The following FLNB variants were observed in gnomAD, a reference collection of about 807,000 sequenced individuals.
FLNB encodes filamin B, also known as filamin-B.
FLNB carries 111 observed loss-of-function variants against 250.6 expected under a neutral mutation model. That is an observed-to-expected ratio of 0.44 (90% CI 0.38 to 0.52). The LOEUF is 0.52. Ranked by LOEUF, FLNB falls within the 20% of genes least tolerant of loss-of-function variation. FLNB has a pLI of 0.00. For synonymous variants in FLNB, 1,302 were observed against 1,372.1 expected (o/e 0.95, Z 1.13); for missense variants, 2,869 against 3,447.8 (o/e 0.83, Z 4.20).
chr3:58,027,855 A>G (rs942179230), intron 1 of FLNB, among the ~76,000 whole-genome samples: 3 of 152,264 alleles, frequency 2.0e-5, no homozygotes, highest in Non-Finnish European at 2.9e-5. Flanking sequence ...ACGGAAAAAC[A>G]GCGTCACTAG....
At chr3:58,149,762 G>A (rs1453317720) in intron 36 of FLNB, 88 bp from the exon 37 acceptor site, 13 of 1,530,848 alleles carry the variant, frequency 8.5e-6, no homozygotes, top group African/African-American at 1.4e-5. Context: ...AGATTGAGGC[G>A]TAAGGGTCGG....
At chr3:58,034,187 G>A (rs1233452909) in intron 1 of FLNB, among the ~76,000 whole-genome samples, 1 of 152,140 alleles carries the variant, frequency 6.6e-6, no homozygotes, top group African/African-American at 2.4e-5. Flanking sequence ...AAGCTATCAT[G>A]AACATCTTTT....
intron 18 of FLNB, among the ~76,000 whole-genome samples, chr3:58,118,333 C>T (rs957948625): frequency 6.6e-6 from 1 of 152,160 alleles, no homozygotes; most frequent in Admixed American, 6.5e-5. Context: ...AAACTGATTC[C>T]TAGGACAGAA....
At chr3:58,113,083 GTA>G (rs1419405317) in intron 18 of FLNB, among the ~76,000 whole-genome samples, 3 of 152,180 alleles carry the variant, frequency 2.0e-5, no homozygotes, top group Non-Finnish European at 4.4e-5. Context: ...ATTTTTAAGT[GTA>G]TAGTTCATTA....
At chr3:58,126,806 G>C (rs1432017549) in intron 24 of FLNB, 44 bp downstream of exon 24, 2 of 1,583,388 alleles carry the variant, frequency 1.3e-6, no homozygotes, top group Admixed American at 3.4e-5. Flanking sequence ...AATTGATTTT[G>C]CAGGAAAATG....
chr3:58,116,428 G>T (rs778185113), intron 18 of FLNB, among the ~76,000 whole-genome samples: 1 of 152,182 alleles, frequency 6.6e-6, no homozygotes, highest in Non-Finnish European at 1.5e-5. Flanking sequence ...GCTGTGCCAC[G>T]TGGGGAGCCG....
intron 4 of FLNB, among the ~76,000 whole-genome samples, chr3:58,087,940 A>C (rs2097219890): frequency 6.7e-6 from 1 of 149,536 alleles, no homozygotes; most frequent in South Asian, 2.1e-4. Flanking sequence ...AGGTTACACC[A>C]TGTTGGTCAG....
At chr3:58,072,708 T>C (rs544995815) in intron 1 of FLNB, among the ~76,000 whole-genome samples, 1 of 152,268 alleles carries the variant, frequency 6.6e-6, no homozygotes, top group East Asian at 1.9e-4. Flanking sequence ...GTCCTTATAA[T>C]AGCAGAAGGA....
intron 10 of FLNB, among the ~76,000 whole-genome samples, chr3:58,104,522 T>C (rs1006069769): frequency 1.2e-4 from 18 of 152,224 alleles, no homozygotes; most frequent in African/African-American, 4.3e-4. Context: ...CTTGTGGGCA[T>C]TGCACTTGCC....
intron 1 of FLNB, among the ~76,000 whole-genome samples, chr3:58,034,069 C>T (rs190040876): frequency 6.6e-6 from 1 of 152,264 alleles, no homozygotes; most frequent in African/African-American, 2.4e-5. Context: ...CCATGTTGGT[C>T]ATGCTGGTCT....
Position 58,077,259 on chromosome 3 carries a change from A to G in FLNB, c.506A>G (p.Lys169Arg). 6.2e-7 allele frequency: 1 copy of G among 1,614,214 alleles called. No individual in the cohort carries two copies. The highest frequency in any genetic ancestry group is 8.5e-7 in the Non-Finnish European group (1 of 1,180,010). Residue 169 changes from lysine (K) to arginine (R), a missense_variant, in exon 2 of 46, where the codon AAA becomes AGA. By Grantham distance (26) the Lys-to-Arg change is conservative. Transcript: ENST00000295956. ...TTTAACCAGAACTGGCAAGACGGCAAAGCCCTGGGAGCCCTGGTAGACAGC... is the reference window on the plus strand; with the variant it reads ...TTTAACCAGAACTGGCAAGACGGCAGAGCCCTGGGAGCCCTGGTAGACAGC... ...TNFNQNWQDGKALGALVDSCA... is the reference protein window; with the variant it reads ...TNFNQNWQDGRALGALVDSCA...
At chr3:58,041,429 C>T (rs1576623154) in intron 1 of FLNB, among the ~76,000 whole-genome samples, 1 of 152,072 alleles carries the variant, frequency 6.6e-6, no homozygotes, top group African/African-American at 2.4e-5. Context: ...GTTGTCAGGG[C>T]CTCTGGGCTT....
At chr3:58,160,168 C>T (rs931196062) in intron 42 of FLNB, among the ~76,000 whole-genome samples, 1 of 152,184 alleles carries the variant, frequency 6.6e-6, no homozygotes, top group Non-Finnish European at 1.5e-5. Context: ...ATTGTAACAA[C>T]ATCTTACAGA....
At chr3:58,146,351 A>G (rs929794886) in intron 33 of FLNB, among the ~76,000 whole-genome samples, 1 of 152,210 alleles carries the variant, frequency 6.6e-6, no homozygotes, top group Admixed American at 6.5e-5. Flanking sequence ...ACATGTATCC[A>G]CAAGACCACA....
chr3:58,095,959 C>T (rs1364649089), intron 5 of FLNB, among the ~76,000 whole-genome samples, 182 bp from the exon 6 acceptor site: 1 of 152,202 alleles, frequency 6.6e-6, no homozygotes, highest in Non-Finnish European at 1.5e-5. Context: ...CTCTGTGCTG[C>T]ATGGTTTTGT....
intron 1 of FLNB, among the ~76,000 whole-genome samples, chr3:58,069,090 CAG>C (rs530873340): frequency 1.5e-3 from 218 of 147,998 alleles, no homozygotes; most frequent in South Asian, 2.3e-3. Context: ...TTGCAGTGAG[CAG>C]AGATTGTACC....
chr3:58,085,505 T>C (rs1023302521), intron 4 of FLNB, among the ~76,000 whole-genome samples: 2 of 152,228 alleles, frequency 1.3e-5, no homozygotes, highest in African/African-American at 4.8e-5. Flanking sequence ...TTCCTGATTG[T>C]TTAATAGATG....
At chr3:58,062,453 C>T (rs1468602100) in intron 1 of FLNB, among the ~76,000 whole-genome samples, 6 of 152,172 alleles carry the variant, frequency 3.9e-5, no homozygotes, top group African/African-American at 1.4e-4. Context: ...CCCTCCCTCC[C>T]CCCACCAGTT....
intron 4 of FLNB, among the ~76,000 whole-genome samples, chr3:58,091,001 C>A (rs2097226180): frequency 6.6e-6 from 1 of 151,860 alleles, no homozygotes; most frequent in African/African-American, 2.4e-5. Flanking sequence ...TGGCATGAAC[C>A]CGGGAGGCAG....
Sources: allele counts gnomAD v4.1 joint callset (sites outside exome capture counted in the v4.1 genomes callset), GRCh38; gene constraint gnomAD v4.1.1; transcripts MANE v1.5; gene names NCBI Gene and HGNC (gene_info 2026-07-23, HGNC 2026-07-21).